The following PXMP4 variants were observed in gnomAD, a reference collection of about 807,000 sequenced individuals.
PXMP4 encodes peroxisomal membrane protein 4.
In PXMP4, 16 loss-of-function variants were observed where a neutral mutation model predicts 21.6. The observed-to-expected ratio is 0.74, with a 90% CI of 0.50 to 1.13. The LOEUF (loss-of-function observed/expected upper bound fraction) is 1.13, where lower values mean the gene tolerates loss of function less well. PXMP4 is among the 50% of genes most tolerant of loss of function. The pLI is 0.00. For missense variants in PXMP4, 240 were observed against 277.7 expected (o/e 0.86, Z 0.96); for synonymous variants, 127 against 123.8 (o/e 1.03, Z -0.17).
rs1476979133 is a variant in PXMP4, at chr20:33,704,857, G to GT, written c.*2848dup. 2 of 152,076 alleles carry GT rather than the reference G, an allele frequency of 1.3e-5. No individual in the cohort carries two copies. The highest frequency in any genetic ancestry group is 4.8e-5 in the African/African-American group (2 of 41,398). The allele number at this position is 152,076 out of a possible 1,614,324, so 9.4% of individuals were successfully genotyped here. ...GTGACTCCTGCATACATTTCTACTA[G>GT]TAACTTCTAAAATATAGAAAGAGTG... On this transcript the variant is annotated 3_prime_UTR_variant, in exon 4 of 4. Coordinates refer to ENST00000409299, the MANE Select transcript of PXMP4 (RefSeq NM_007238.5).
At chr20:33,710,272 C>T (rs538649234) in intron 3 of PXMP4, among the ~76,000 whole-genome samples, 5 of 145,534 alleles carry the variant, frequency 3.4e-5, no homozygotes, top group South Asian at 4.6e-4. Context: ...CACGCCCTTT[C>T]CCCCACTCCT....
chr20:33,712,670 GC>G (rs2018342250), intron 2 of PXMP4, among the ~76,000 whole-genome samples: 1 of 152,130 alleles, frequency 6.6e-6, no homozygotes, highest in South Asian at 2.1e-4. Flanking sequence ...ACTCTGTGTG[GC>G]CCAGGCTGGA....
chr20:33,713,437 C>T (rs938809398), intron 2 of PXMP4, among the ~76,000 whole-genome samples: 2 of 152,208 alleles, frequency 1.3e-5, no homozygotes, highest in Admixed American at 1.3e-4. Flanking sequence ...ATTCTGCAAC[C>T]TGTCCCCTCA....
rs145235084 is a variant in PXMP4 at position 33,707,762 on chromosome 20, C to T, written c.583G>A (p.Val195Ile). 33 of 1,614,194 alleles carry T rather than the reference C, an allele frequency of 2.0e-5. No individual in the cohort carries two copies. In the African/African-American group the frequency reaches 4.3e-4, roughly 21 times the overall value. The part of the protein sequence containing the change: ...SMTYLYEDSN[V>I]WHDISDFLVY... ...AGGAAGTCTGAGATGTCGTGCCATA[C>T]ATTGCTGTCCTCATAGAGGTAGGTC... The change falls in exon 4 of 4, where the codon GTA becomes ATA. Residue 195 changes from valine (V) to isoleucine (I), a missense_variant. Transcript: ENST00000409299.
intron 1 of PXMP4, 72 bp from the exon 2 acceptor site, chr20:33,714,808 C>A: frequency 6.8e-7 from 1 of 1,463,142 alleles, no homozygotes; most frequent in South Asian, 1.1e-5. Flanking sequence ...GTCCTTTTGA[C>A]CCCTTGTTCT....
intron 3 of PXMP4, among the ~76,000 whole-genome samples, chr20:33,708,966 G>A (rs2018293434): frequency 6.6e-6 from 1 of 152,182 alleles, no homozygotes; most frequent in Admixed American, 6.5e-5. Context: ...GGCAAGTAGA[G>A]AGAGGCTGCC....
chr20:33,718,178 A>C (rs1427431360), intron 1 of PXMP4, among the ~76,000 whole-genome samples: 1 of 152,022 alleles, frequency 6.6e-6, no homozygotes, highest in Non-Finnish European at 1.5e-5. Context: ...ATGAATGTTC[A>C]CTGCAGGCTT....
chr20:33,710,341 C>G (rs2018312116), intron 3 of PXMP4, among the ~76,000 whole-genome samples: 1 of 150,858 alleles, frequency 6.6e-6, no homozygotes, highest in South Asian at 2.1e-4. Context: ...AATCACGCCC[C>G]TTCCCCCACT....
intron 3 of PXMP4, among the ~76,000 whole-genome samples, chr20:33,709,137 A>C (rs1036954520): frequency 6.6e-6 from 1 of 152,162 alleles, no homozygotes; most frequent in African/African-American, 2.4e-5. Flanking sequence ...TCTACTAAAA[A>C]TACAAAAATT....
intron 2 of PXMP4, 92 bp downstream of exon 2, chr20:33,714,582 G>C: frequency 8.0e-7 from 1 of 1,251,688 alleles, no homozygotes. Context: ...AAGGCGTGAT[G>C]GGGGGACAGG....
At position 33,705,483 on chromosome 20, in the gene PXMP4, C is replaced by T. The variant is rs1476483473; in HGVS notation, c.*2223G>A. ...GGGTGTGGTGGCGGGCACCTGTAGG[C>T]CCAGCTACTCCGGAGGCTGAGGCAG... On this transcript the variant is annotated 3_prime_UTR_variant, in exon 4 of 4. Transcript: ENST00000409299. 1.3e-5 allele frequency: 2 copies of T among 151,926 alleles called. No homozygotes were observed. Among genetic ancestry groups the T allele is most frequent in the African/African-American group, 4.8e-5 (2 of 41,366 alleles). The allele number at this position is 151,926 out of a possible 1,614,324, so 9.4% of individuals were successfully genotyped here.
At chr20:33,708,885 C>T (rs762814192) in intron 3 of PXMP4, among the ~76,000 whole-genome samples, 6 of 151,996 alleles carry the variant, frequency 3.9e-5, no homozygotes, top group African/African-American at 1.2e-4. Flanking sequence ...AATGGGATTA[C>T]CGGCATGAGC....
chr20:33,707,598 A>G lies in PXMP4; in HGVS notation c.*108T>C, dbSNP rs761857751. 69 of 1,439,022 alleles carry G rather than the reference A, an allele frequency of 4.8e-5. No individual in the cohort carries two copies. Among genetic ancestry groups the G allele is most frequent in the Non-Finnish European group, 6.3e-5 (67 of 1,061,024 alleles). The allele number at this position is 1,439,022 out of a possible 1,614,324, so 89.1% of individuals were successfully genotyped here. ...TTACTTCAGCAAACGGAACCCTGGG[A>G]TAACACCAGTTGGAGTCTGAGGCCT... On this transcript the variant is annotated 3_prime_UTR_variant, in exon 4 of 4. Transcript: ENST00000409299.
rs1471170623 is a variant in PXMP4 at position 33,710,748 on chromosome 20, T to C, written c.182A>G (p.Gln61Arg). 3 of 1,601,502 alleles carry C rather than the reference T, an allele frequency of 1.9e-6. No homozygotes were observed. Among genetic ancestry groups the C allele is most frequent in the Non-Finnish European group, 2.6e-6 (3 of 1,172,248 alleles). The change falls in exon 3 of 4, where the codon CAG becomes CGG. Residue 61 changes from glutamine (Q) to arginine (R), a missense_variant. Physicochemically the swap from Gln to Arg is conservative, Grantham distance 43. Transcript: ENST00000409299. The part of the protein sequence containing the change: ...MTFLFRNGSL[Q>R]EKLWAILQAT... Reference sequence around the variant, plus strand: ...CTGCAGTATGGCCCACAGCTTCTCCTGGAGGCTGCACAAACACAGGTGCCC... The same window carrying C: ...CTGCAGTATGGCCCACAGCTTCTCCCGGAGGCTGCACAAACACAGGTGCCC...
intron 1 of PXMP4, among the ~76,000 whole-genome samples, chr20:33,717,639 C>CAAAAAAAA (rs10666719): frequency 0.027 from 1,489 of 56,074 alleles, 62 homozygotes; most frequent in African/African-American, 0.066. Context: ...GACTCCGTCT[C>CAAAAAAAA]AAAAAAAAAA....
At chr20:33,715,102 C>T (rs55990870) in intron 1 of PXMP4, among the ~76,000 whole-genome samples, 40,702 of 151,964 alleles carry the variant, frequency 0.27, 5,657 homozygotes, top group Admixed American at 0.33. Context: ...GTAGCTGAGA[C>T]TACAGGTGTG....
chr20:33,710,697 A>C lies in PXMP4; in HGVS notation c.233T>G (p.Leu78Arg). 6.2e-7 allele frequency: 1 copy of C among 1,613,810 alleles called. No homozygotes were observed. Among genetic ancestry groups the C allele is most frequent in the Non-Finnish European group, 8.5e-7 (1 of 1,179,858 alleles). ...LQATYIHSWN[L>R]ARFVFTYKGL... ...CTTGTAGGTGAACACAAACCGTGCCAGGTTCCAGGAGTGGATATATGTGGC... is the reference window on the plus strand; with the variant it reads ...CTTGTAGGTGAACACAAACCGTGCCCGGTTCCAGGAGTGGATATATGTGGC... Residue 78 changes from leucine to arginine, a missense_variant, in exon 3 of 4, where the codon CTG becomes CGG. Coordinates refer to ENST00000409299, the MANE Select transcript of PXMP4 (RefSeq NM_007238.5).
chr20:33,709,968 A>G (rs1475918446), intron 3 of PXMP4, among the ~76,000 whole-genome samples: 1 of 141,294 alleles, frequency 7.1e-6, no homozygotes, highest in Non-Finnish European at 1.5e-5. Flanking sequence ...TCCTACCTCT[A>G]TACAGAACCA....
chr20:33,709,998 ACT>A (rs1404443512), intron 3 of PXMP4, among the ~76,000 whole-genome samples: 1 of 123,776 alleles, frequency 8.1e-6, no homozygotes, highest in African/African-American at 3.2e-5. Flanking sequence ...GCCACTCAAA[ACT>A]CTACACTGAC....
Sources: gnomAD v4.1 joint callset for allele counts (sites outside exome capture counted in the v4.1 genomes callset) on GRCh38, gnomAD v4.1.1 for gene constraint, MANE v1.5 for transcripts, NCBI Gene and HGNC (gene_info 2026-07-23, HGNC 2026-07-21) for gene names.